EEA1: variants seen among roughly 807,000 people sequenced by gnomAD.
EEA1 encodes the protein early endosome antigen 1, 162kD.
In EEA1, 111 loss-of-function variants were observed where a neutral mutation model predicts 209.2. That is an observed-to-expected ratio of 0.53 (90% CI 0.45 to 0.62). The LOEUF (loss-of-function observed/expected upper bound fraction) is 0.62. Ranked by LOEUF, EEA1 falls within the 20% of genes least tolerant of loss-of-function variation. The pLI, the probability that EEA1 is intolerant of heterozygous loss-of-function variation, is 0.00. For missense variants in EEA1, 1,343 were observed against 1,530.8 expected (o/e 0.88, Z 2.05); for synonymous variants, 536 against 540.6 (o/e 0.99, Z 0.12).
chr12:92,868,987 T>C, intron 2 of EEA1, among the ~76,000 whole-genome samples: 1 of 142,476 alleles, frequency 7.0e-6, no homozygotes, highest in Non-Finnish European at 1.5e-5. Flanking sequence ...TAACTTGCAA[T>C]AAATGGGATG....
At chr12:92,811,459 A>T in intron 16 of EEA1, 25 bp from the exon 17 acceptor site, 1 of 1,497,922 alleles carries the variant, frequency 6.7e-7, no homozygotes, top group Non-Finnish European at 8.9e-7. Flanking sequence ...AATTGAAGAA[A>T]ACTTTGGTAA....
intron 9 of EEA1, among the ~76,000 whole-genome samples, chr12:92,843,432 T>C (rs934272946): frequency 2.6e-5 from 4 of 152,282 alleles, no homozygotes; most frequent in Admixed American, 2.6e-4. Context: ...ATTACAGCCA[T>C]GAGCCACTGA....
chr12:92,909,004 G>T (rs193281873), intron 1 of EEA1, among the ~76,000 whole-genome samples: 1 of 152,146 alleles, frequency 6.6e-6, no homozygotes, highest in African/African-American at 2.4e-5. Flanking sequence ...GTAAAGATGG[G>T]GTTTCGCCGT....
At chr12:92,910,384 G>A (rs1428070660) in intron 1 of EEA1, among the ~76,000 whole-genome samples, 3 of 148,912 alleles carry the variant, frequency 2.0e-5, no homozygotes, top group Admixed American at 6.7e-5. Context: ...CAGGAGAATC[G>A]CTTGAACTCG....
chr12:92,871,465 C>A (rs918538486), intron 2 of EEA1, among the ~76,000 whole-genome samples: 2 of 152,176 alleles, frequency 1.3e-5, no homozygotes, highest in African/African-American at 4.8e-5. Flanking sequence ...TCATCGTGCA[C>A]TTTCTGGTAA....
At chr12:92,860,703 A>G (rs564641846) in intron 3 of EEA1, among the ~76,000 whole-genome samples, 3 of 152,254 alleles carry the variant, frequency 2.0e-5, no homozygotes, top group African/African-American at 7.2e-5. Flanking sequence ...CTGGCCATGG[A>G]GAAAGCTGAC....
Position 92,802,440 on chromosome 12 carries a change from CT to C in EEA1, c.2633del (p.Lys878ArgfsTer11). The C allele has an allele frequency of 6.3e-7, 1 of 1,579,126 alleles. No individual in the cohort carries two copies. Among genetic ancestry groups the C allele is most frequent in the South Asian group, 1.2e-5 (1 of 83,456 alleles). On this transcript the variant is annotated frameshift_variant, in exon 19 of 29. Transcript: ENST00000322349. LOFTEE classifies it high-confidence loss of function. ...TAGCGGCTTTTCCTTTCTGATTCTC[CT>C]TTTCAAATTCACTTTTAGAGTTTTT... The part of the protein sequence containing the change: ...SLKNSKSEFE[K>X]ENQKGKAAIL...
At chr12:92,877,271 C>G (rs1878950110) in intron 2 of EEA1, among the ~76,000 whole-genome samples, 1 of 151,912 alleles carries the variant, frequency 6.6e-6, no homozygotes. Context: ...GCCACCATTC[C>G]TGGCCTAACC....
chr12:92,826,362 A>G (rs1191698988), intron 12 of EEA1, 77 bp from the exon 13 acceptor site: 1 of 1,366,352 alleles, frequency 7.3e-7, no homozygotes, highest in Non-Finnish European at 1.0e-6. Flanking sequence ...CATTACTTCA[A>G]TTCTCAAGTC....
At chr12:92,810,930 G>A (rs1875467007) in intron 17 of EEA1, among the ~76,000 whole-genome samples, 1 of 152,066 alleles carries the variant, frequency 6.6e-6, no homozygotes, top group Non-Finnish European at 1.5e-5. Context: ...GTTGGTAAGA[G>A]ATGGAAGAAT....
intron 1 of EEA1, among the ~76,000 whole-genome samples, chr12:92,910,820 A>T (rs1383725757): frequency 6.6e-6 from 1 of 152,250 alleles, no homozygotes; most frequent in Non-Finnish European, 1.5e-5. Context: ...AAATAAGGCA[A>T]AGACCTTAAT....
At chr12:92,858,784 A>T in intron 3 of EEA1, 1 of 785,266 alleles carries the variant, frequency 1.3e-6, no homozygotes, top group Admixed American at 1.7e-5. Context: ...TGTGCCTGCA[A>T]AATACCTTGA....
intron 1 of EEA1, among the ~76,000 whole-genome samples, chr12:92,923,285 T>C (rs1312454140): frequency 1.3e-5 from 2 of 152,122 alleles, no homozygotes; most frequent in East Asian, 3.9e-4. Flanking sequence ...GAGGCGGAGC[T>C]TGTAGTGAGC....
rs745621624 is a variant in EEA1 at position 92,801,704 on chromosome 12, T to TA, written c.2671-4dup. On this transcript the variant is annotated splice_polypyrimidine_tract_variant and splice_region_variant and intron_variant, in intron 19 of 28. Coordinates refer to ENST00000322349, the MANE Select transcript of EEA1 (RefSeq NM_003566.4). ...TTTAATTCTTTGCAAGTTTTTTCCT[T>TA]AAAAAAAATGAAAACTATATTACAT... The TA allele has an allele frequency of 5.0e-5, 78 of 1,558,304 alleles. No individual in the cohort carries two copies. Among genetic ancestry groups the TA allele is most frequent in the East Asian group, 9.1e-5 (4 of 43,884 alleles).
chr12:92,797,496 A>G (rs1488774468), intron 21 of EEA1, among the ~76,000 whole-genome samples: 1 of 152,224 alleles, frequency 6.6e-6, no homozygotes, highest in Non-Finnish European at 1.5e-5. Flanking sequence ...TGGAGGGTCA[A>G]CTGTACAGGC....
At chr12:92,851,044 C>G (rs1464927412) in intron 9 of EEA1, 67 bp downstream of exon 9, 1 of 1,425,070 alleles carries the variant, frequency 7.0e-7, no homozygotes, top group East Asian at 2.5e-5. Flanking sequence ...CAAATCCTGG[C>G]TTCACTCAAT....
intron 2 of EEA1, among the ~76,000 whole-genome samples, chr12:92,875,797 T>C (rs544178634): frequency 1.3e-5 from 2 of 152,310 alleles, no homozygotes; most frequent in South Asian, 2.1e-4. Context: ...CCTTGCTCAC[T>C]ATGCTACAGC....
At chr12:92,819,180 C>CA (rs1875932213) in intron 14 of EEA1, 128 bp downstream of exon 14, 6 of 827,930 alleles carry the variant, frequency 7.2e-6, no homozygotes, top group Non-Finnish European at 1.1e-5. Flanking sequence ...TGCTATTTGG[C>CA]AAAAAATATA....
intron 1 of EEA1, among the ~76,000 whole-genome samples, chr12:92,894,707 TAAGGAAAG>T (rs1176886070): frequency 1.3e-5 from 2 of 152,184 alleles, no homozygotes; most frequent in African/African-American, 4.8e-5. Flanking sequence ...TCATGGGATT[TAAGGAAAG>T]AAGCTGTCTC....
Sources: allele counts gnomAD v4.1 joint callset (sites outside exome capture counted in the v4.1 genomes callset), GRCh38; gene constraint gnomAD v4.1.1; transcripts MANE v1.5; gene names NCBI Gene and HGNC (gene_info 2026-07-23, HGNC 2026-07-21).